USH2A: variants seen among roughly 807,000 people sequenced by gnomAD.
USH2A encodes the protein usherin.
Under a neutral mutation model 538.9 loss-of-function variants are expected in USH2A, and 443 were observed. The ratio of observed to expected loss-of-function variants is 0.82; its 90% CI spans 0.76 to 0.89. The LOEUF (loss-of-function observed/expected upper bound fraction) is 0.89. USH2A is among the 40% of genes least tolerant of loss of function. The pLI is 0.00. For missense variants in USH2A, 6,633 were observed against 6,324.8 expected (o/e 1.05, Z -1.65); for synonymous variants, 2,413 against 2,273.5 (o/e 1.06, Z -1.75).
At chr1:216,111,905 C>A (rs2032882231) in intron 21 of USH2A, among the ~76,000 whole-genome samples, 1 of 151,734 alleles carries the variant, frequency 6.6e-6, no homozygotes, top group African/African-American at 2.4e-5. Flanking sequence ...GATGGATTTC[C>A]ATGCCTAGTT....
At position 215,836,540 on chromosome 1, in the gene USH2A, A is replaced by G. The variant is rs1426399268; in HGVS notation, c.9371+1451T>C. On this transcript the variant is annotated intron_variant, in intron 47 of 71. Coordinates refer to ENST00000307340, the MANE Select transcript of USH2A (RefSeq NM_206933.4). ...TATAATATATATTATATATATATAT[A>G]TAATATATATATATATATATATATA... Among the ~76,000 whole-genome samples, 10 of 24,660 alleles carry G rather than the reference A, an allele frequency of 4.1e-4. 1 individual carries two copies. In the East Asian group the frequency reaches 0.018, roughly 45 times the overall value. 16.2% of individuals were successfully genotyped at this position (24,660 alleles called of 152,430 possible).
chr1:215,994,498 A>C (rs1055893344), intron 34 of USH2A, among the ~76,000 whole-genome samples: 1 of 152,152 alleles, frequency 6.6e-6, no homozygotes, highest in South Asian at 2.1e-4. Flanking sequence ...CATGGAAATT[A>C]ATCTCACTTG....
chr1:216,303,526 G>C (rs2037254329), intron 9 of USH2A, among the ~76,000 whole-genome samples: 2 of 151,838 alleles, frequency 1.3e-5, no homozygotes, highest in African/African-American at 4.8e-5. Flanking sequence ...TAAATATAAA[G>C]GGTATTTCAT....
At chr1:216,195,535 C>T (rs779001040) in intron 19 of USH2A, among the ~76,000 whole-genome samples, 6 of 152,028 alleles carry the variant, frequency 3.9e-5, no homozygotes, top group Non-Finnish European at 7.4e-5. Context: ...GGCAGTTCAC[C>T]TGGTCACCCA....
At chr1:216,074,317 G>A (rs1053469145) in intron 27 of USH2A, among the ~76,000 whole-genome samples, 14 of 115,830 alleles carry the variant, frequency 1.2e-4, no homozygotes, top group Non-Finnish European at 2.1e-4. Context: ...TTGCTGTAGC[G>A]TGCATGTTCT....
intron 61 of USH2A, among the ~76,000 whole-genome samples, chr1:215,684,204 T>A (rs565201789): frequency 6.6e-6 from 1 of 152,280 alleles, no homozygotes; most frequent in South Asian, 2.1e-4. Context: ...TCAGTTGAGG[T>A]TCTGCTGGCA....
At chr1:215,644,717 T>C (rs1656792937) in intron 67 of USH2A, among the ~76,000 whole-genome samples, 1 of 152,148 alleles carries the variant, frequency 6.6e-6, no homozygotes, top group Admixed American at 6.5e-5. Context: ...TATATCAGTA[T>C]GGAGGCCAAA....
At chr1:215,797,559 T>C (rs975585243) in intron 50 of USH2A, among the ~76,000 whole-genome samples, 2 of 152,092 alleles carry the variant, frequency 1.3e-5, no homozygotes, top group Non-Finnish European at 2.9e-5. Context: ...CATTGACCAC[T>C]GCAAAAACTC....
chr1:215,786,019 A>G (rs1379347018), intron 52 of USH2A, among the ~76,000 whole-genome samples: 1 of 152,114 alleles, frequency 6.6e-6, no homozygotes, highest in Non-Finnish European at 1.5e-5. Context: ...ACTTAAGTAA[A>G]TGGATGAATA....
At chr1:216,140,440 T>C (rs1278303746) in intron 21 of USH2A, among the ~76,000 whole-genome samples, 1 of 152,220 alleles carries the variant, frequency 6.6e-6, no homozygotes, top group East Asian at 1.9e-4. Flanking sequence ...CTTGGTAATT[T>C]ATTGTTTTCA....
At chr1:216,340,892 T>A (rs1329902597) in intron 4 of USH2A, among the ~76,000 whole-genome samples, 1 of 152,150 alleles carries the variant, frequency 6.6e-6, no homozygotes, top group Non-Finnish European at 1.5e-5. Flanking sequence ...AATATTATAC[T>A]GAATGGGCAA....
chr1:215,641,494 A>T (rs1254224894), intron 67 of USH2A, among the ~76,000 whole-genome samples: 1 of 152,220 alleles, frequency 6.6e-6, no homozygotes, highest in Non-Finnish European at 1.5e-5. Flanking sequence ...TTACTAAAAC[A>T]AAAAGAAAAT....
In USH2A at chr1:215,900,894, C is replaced by T. The variant is rs370988961; in HGVS notation, c.7312G>A (p.Val2438Met). Residue 2438 changes from valine (V) to methionine (M), a missense_variant, in exon 39 of 72, where the codon GTG (valine) becomes ATG (methionine). Transcript: ENST00000307340. Reference sequence around the variant, plus strand: ...GCAGATGAAAGCCTGGGAGGCAGCACGCCATCTGGAGCTGTCGAAAAACAC... The same window carrying T: ...GCAGATGAAAGCCTGGGAGGCAGCATGCCATCTGGAGCTGTCGAAAAACAC... Reference protein sequence around the residue: ...IAMPPGAPDGVLPPRLSSATP... With the variant: ...IAMPPGAPDGMLPPRLSSATP... 4.7e-5 allele frequency: 76 copies of T among 1,613,326 alleles called. No homozygotes were observed. Among genetic ancestry groups the T allele is most frequent in the African/African-American group, 2.5e-4 (19 of 74,860 alleles).
chr1:215,849,451 G>A (rs1231269683), intron 44 of USH2A, among the ~76,000 whole-genome samples: 1 of 152,076 alleles, frequency 6.6e-6, no homozygotes, highest in Non-Finnish European at 1.5e-5. Flanking sequence ...AGTTAAAAAT[G>A]CACAATATCA....
intron 12 of USH2A, among the ~76,000 whole-genome samples, chr1:216,248,832 G>C (rs3106400): frequency 0.93 from 142,161 of 152,176 alleles, 66,525 homozygotes; most frequent in East Asian, 0.98. Context: ...CCTAACGATA[G>C]TCAGGAAGGC....
intron 21 of USH2A, among the ~76,000 whole-genome samples, chr1:216,123,008 C>A (rs1378198572): frequency 6.6e-6 from 1 of 152,094 alleles, no homozygotes; most frequent in Admixed American, 6.6e-5. Flanking sequence ...AGGAAAAGAG[C>A]AAACTTAATG....
At chr1:216,077,970 G>A in intron 27 of USH2A, 119 bp downstream of exon 27, 2 of 1,232,156 alleles carry the variant, frequency 1.6e-6, no homozygotes, top group South Asian at 1.3e-5. Flanking sequence ...CAGAAAAAGA[G>A]ATGCTGTTGG....
intron 11 of USH2A, among the ~76,000 whole-genome samples, chr1:216,265,562 G>C (rs2036455559): frequency 6.6e-6 from 1 of 151,860 alleles, no homozygotes; most frequent in Admixed American, 6.6e-5. Flanking sequence ...GTTTATTGCA[G>C]TACTATTTAC....
rs1265510774 is a variant in USH2A at position 215,695,579 on chromosome 1, C to T, written c.12067-15203G>A. The stretch of plus-strand genomic sequence containing the variant: ...TATTCTAGTCAAGGAAATTTAGTTA[C>T]AGGGAAAAGAAACTCATTTTGATTG... On this transcript the variant is annotated intron_variant, in intron 61 of 71. Coordinates refer to ENST00000307340, the MANE Select transcript of USH2A (RefSeq NM_206933.4). Among the ~76,000 whole-genome samples, 16 of 152,080 alleles carry T rather than the reference C, an allele frequency of 1.1e-4. No individual in the cohort carries two copies. The South Asian group carries it at 2.5e-3, about 24-fold the overall frequency.
Sources: gnomAD v4.1 joint callset for allele counts (sites outside exome capture counted in the v4.1 genomes callset) on GRCh38, gnomAD v4.1.1 for gene constraint, MANE v1.5 for transcripts, NCBI Gene and HGNC (gene_info 2026-07-23, HGNC 2026-07-21) for gene names.